Variants in PVT1 observed in about 807,000 individuals in gnomAD.
PVT1 encodes Pvt1 oncogene.
At chr8:127,892,805 T>G (rs1815628386) in intron 3 of PVT1, among the ~76,000 whole-genome samples, 1 of 152,054 alleles carries the variant, frequency 6.6e-6, no homozygotes, top group Non-Finnish European at 1.5e-5. Context: ...AGGCTCACAG[T>G]GGTGAGCAAA....
chr8:127,972,822 G>A (rs542919482), intron 3 of PVT1, among the ~76,000 whole-genome samples: 318 of 152,312 alleles, frequency 2.1e-3, no homozygotes, highest in South Asian at 4.8e-3. Context: ...GCTCTGGGAA[G>A]GACTGGGGCA....
At chr8:127,853,231 C>T (rs1815124305) in intron 2 of PVT1, among the ~76,000 whole-genome samples, 1 of 151,988 alleles carries the variant, frequency 6.6e-6, no homozygotes, top group South Asian at 2.1e-4. Context: ...GAAAGTGACT[C>T]CTGCAACTCT....
chr8:128,085,849 G>A (rs1814249508), intron 5 of PVT1, among the ~76,000 whole-genome samples: 1 of 152,132 alleles, frequency 6.6e-6, no homozygotes, highest in Admixed American at 6.5e-5. Flanking sequence ...GGCAAAAAAC[G>A]AGATCCCCAA....
chr8:127,926,954 G>C (rs1284580664), intron 3 of PVT1, among the ~76,000 whole-genome samples: 6 of 152,160 alleles, frequency 3.9e-5, no homozygotes, highest in Admixed American at 6.5e-5. Context: ...CCTTGGCACT[G>C]TTCCCCCCTT....
chr8:128,015,501 C>T (rs759356772), intron 4 of PVT1, among the ~76,000 whole-genome samples: 4 of 152,062 alleles, frequency 2.6e-5, no homozygotes, highest in Non-Finnish European at 4.4e-5. Flanking sequence ...TGAAGCTGGG[C>T]GCAGTGGCTC....
At chr8:128,007,799 G>A (rs908390825) in intron 4 of PVT1, among the ~76,000 whole-genome samples, 2 of 152,196 alleles carry the variant, frequency 1.3e-5, no homozygotes, top group African/African-American at 4.8e-5. Flanking sequence ...ATTCTCTTTT[G>A]CATTTTCCAG....
At chr8:127,999,847 C>T (rs750996024) in intron 4 of PVT1, among the ~76,000 whole-genome samples, 11 of 152,208 alleles carry the variant, frequency 7.2e-5, no homozygotes, top group Admixed American at 2.6e-4. Context: ...GGAAAGTTCA[C>T]GTGGGGCAAG....
intron 2 of PVT1, among the ~76,000 whole-genome samples, chr8:127,866,487 TC>T (rs2129760676): frequency 6.6e-6 from 1 of 152,138 alleles, no homozygotes; most frequent in South Asian, 2.1e-4. Context: ...TCCTTCAGTG[TC>T]CCCTCCCACT....
intron 2 of PVT1, among the ~76,000 whole-genome samples, chr8:127,861,274 G>A (rs1815225160): frequency 6.6e-6 from 1 of 152,150 alleles, no homozygotes; most frequent in South Asian, 2.1e-4. Context: ...TCTGATGGGA[G>A]CCACTTCTCA....
intron 3 of PVT1, among the ~76,000 whole-genome samples, chr8:127,975,980 C>G (rs1435894244): frequency 6.6e-6 from 1 of 152,146 alleles, no homozygotes; most frequent in East Asian, 1.9e-4. Flanking sequence ...GGAGCCCTCC[C>G]TAGCTCTCCA....
chr8:127,848,813 G>A (rs1470689510), intron 2 of PVT1, among the ~76,000 whole-genome samples: 1 of 152,226 alleles, frequency 6.6e-6, no homozygotes. Context: ...TGCTCAGGGT[G>A]GTACTGGTAC....
chr8:127,967,632 T>C (rs375309845), intron 3 of PVT1, among the ~76,000 whole-genome samples: 2 of 152,210 alleles, frequency 1.3e-5, no homozygotes, highest in East Asian at 1.9e-4. Context: ...TCACCCTGTA[T>C]TTTCCCAGCC....
chr8:127,883,003 A>C (rs750635436), intron 2 of PVT1, among the ~76,000 whole-genome samples: 33 of 152,002 alleles, frequency 2.2e-4, no homozygotes, highest in Non-Finnish European at 4.0e-4. Flanking sequence ...ACATGTGCAC[A>C]TACACGCACA....
At chr8:127,850,960 TCGTGC>T (rs1815100759) in intron 2 of PVT1, among the ~76,000 whole-genome samples, 1 of 150,628 alleles carries the variant, frequency 6.6e-6, no homozygotes, top group Non-Finnish European at 1.5e-5. Context: ...TGAGCCAAGA[TCGTGC>T]CATAGCACTC....
chr8:127,957,836 A>G lies in PVT1; in HGVS notation n.783-31326A>G, dbSNP rs374575073. 4.6e-5 allele frequency among the ~76,000 whole-genome samples: 7 copies of G among 152,346 alleles called. No individual in the cohort carries two copies. In the East Asian group the frequency reaches 7.7e-4, roughly 17 times the overall value. ...ACACAAGGTGCACACAGGCATGCGC[A>G]TGGCGGGGAGGTGTGGGTGCACTTT... On this transcript the variant is annotated intron_variant and non_coding_transcript_variant, in intron 3 of 10. Coordinates refer to ENST00000651587, the Ensembl canonical transcript of PVT1.
intron 4 of PVT1, among the ~76,000 whole-genome samples, chr8:128,060,192 C>A (rs899762979): frequency 6.6e-6 from 1 of 152,088 alleles, no homozygotes; most frequent in Non-Finnish European, 1.5e-5. Flanking sequence ...GGAGGCGGAG[C>A]TTGCAGTGAG....
At chr8:127,818,340 G>A (rs1814690351) in intron 2 of PVT1, among the ~76,000 whole-genome samples, 1 of 152,200 alleles carries the variant, frequency 6.6e-6, no homozygotes, top group Non-Finnish European at 1.5e-5. Context: ...CCCTGCTCCG[G>A]AAGTCTCAGT....
At chr8:128,060,802 A>G (rs1270189394) in intron 4 of PVT1, among the ~76,000 whole-genome samples, 1 of 152,186 alleles carries the variant, frequency 6.6e-6, no homozygotes, top group Non-Finnish European at 1.5e-5. Context: ...TACATACCGT[A>G]CAATTTACCA....
intron 4 of PVT1, among the ~76,000 whole-genome samples, chr8:128,065,127 A>G (rs1441136260): frequency 6.6e-6 from 1 of 152,212 alleles, no homozygotes; most frequent in Non-Finnish European, 1.5e-5. Context: ...AGCATTTACA[A>G]TGTACGTGCA....
Sources: gnomAD v4.1 joint callset for allele counts (sites outside exome capture counted in the v4.1 genomes callset) on GRCh38, gnomAD v4.1.1 for gene constraint, MANE v1.5 for transcripts, NCBI Gene and HGNC (gene_info 2026-07-23, HGNC 2026-07-21) for gene names.